RPP40: variants seen among roughly 807,000 people sequenced by gnomAD.
RPP40 encodes the protein ribonuclease P/MRP subunit p40, also known as ribonuclease P protein subunit p40.
A neutral mutation model predicts 42.5 loss-of-function variants in RPP40; 30 were observed. The ratio of observed to expected loss-of-function variants is 0.71; its 90% CI spans 0.53 to 0.96. The LOEUF is 0.96. RPP40 is among the 40% of genes least tolerant of loss of function. The pLI is 0.00. For missense variants in RPP40, 426 were observed against 433.5 expected (o/e 0.98, Z 0.15); for synonymous variants, 173 against 164.0 (o/e 1.05, Z -0.42).
rs768758209 is a variant in RPP40, at chr6:4,995,965, T to C, written c.879A>G (p.Leu293=). The C allele has an allele frequency of 6.8e-6, 11 of 1,614,066 alleles. No homozygotes were observed. The East Asian group carries it at 1.6e-4, about 23-fold the overall frequency. ...GFILPEKICL[L]LEHLCHYFDE... ...AGAGTTCTCACCAGAGATGTTCCAATAGGAGACAGATCTTCTCTGGAAGTA... is the reference window on the plus strand; with the variant it reads ...AGAGTTCTCACCAGAGATGTTCCAACAGGAGACAGATCTTCTCTGGAAGTA... Residue 293 remains leucine, a synonymous_variant, in exon 7 of 8, where the codon CTA becomes CTG. Transcript: ENST00000380051.
rs1581328763 is a variant in RPP40, at chr6:5,003,957, C to T, written c.46G>A (p.Val16Ile). The change falls in exon 1 of 8, where the codon GTT (valine) becomes ATT (isoleucine). Residue 16 changes from valine (V) to isoleucine (I), a missense_variant. Coordinates refer to ENST00000380051, the MANE Select transcript of RPP40 (RefSeq NM_006638.4). Reference sequence around the variant, plus strand: ...TTGCCGAAGTTGGATTTCTCGCAAACCAGTAAGTGCCGCGGCGCCTCCCGA... The same window carrying T: ...TTGCCGAAGTTGGATTTCTCGCAAATCAGTAAGTGCCGCGGCGCCTCCCGA... ...RLREAPRHLL[V>I]CEKSNFGNHK... 6.2e-7 allele frequency: 1 copy of T among 1,613,398 alleles called. No homozygotes were observed. The highest frequency in any genetic ancestry group is 8.5e-7 in the Non-Finnish European group (1 of 1,179,698).
chr6:4,989,988 C>G (rs1415226362), downstream of RPP40, among the ~76,000 whole-genome samples: 1 of 152,186 alleles, frequency 6.6e-6, no homozygotes, highest in Non-Finnish European at 1.5e-5. Flanking sequence ...GCGGTAAAAG[C>G]AGGCATCCCT....
chr6:5,000,880 TTGCAGAAGACCAAGCA>T (rs1491421841), intron 2 of RPP40, among the ~76,000 whole-genome samples: 3 of 118,678 alleles, frequency 2.5e-5, no homozygotes, highest in Non-Finnish European at 3.6e-5. Flanking sequence ...AAGACAAAGC[TTGCAGAAGACCAAGCA>T]TGCAGAAGAC....
At chr6:4,994,113 C>T (rs1759301442), downstream of RPP40, among the ~76,000 whole-genome samples, 1 of 151,646 alleles carries the variant, frequency 6.6e-6, no homozygotes, top group Non-Finnish European at 1.5e-5. Context: ...TTTTGCAGCT[C>T]TTGTTTTTTA....
chr6:4,992,161 C>G (rs1581315036), downstream of RPP40, among the ~76,000 whole-genome samples: 1 of 151,182 alleles, frequency 6.6e-6, no homozygotes, highest in African/African-American at 2.4e-5. Context: ...TAAGGTGAAA[C>G]CCTGTTTCTA....
chr6:4,991,713 T>A (rs1279996406), downstream of RPP40, among the ~76,000 whole-genome samples: 21 of 152,220 alleles, frequency 1.4e-4, no homozygotes. Context: ...GTGTGTGTTG[T>A]CAGTATGAAA....
the RPP40 span, among the ~76,000 whole-genome samples, chr6:4,989,397 C>T: frequency 6.6e-6 from 1 of 152,054 alleles, no homozygotes. Flanking sequence ...TGTTTGGCTA[C>T]TCTAGGTCCT....
chr6:4,998,598 A>G (rs1299558294), intron 5 of RPP40, 118 bp downstream of exon 5: 2 of 638,810 alleles, frequency 3.1e-6, no homozygotes, highest in Non-Finnish European at 5.0e-6. Flanking sequence ...ATTTTTATAT[A>G]TACGTATAGA....
At chr6:4,993,587 C>T (rs1759291040), downstream of RPP40, among the ~76,000 whole-genome samples, 1 of 152,092 alleles carries the variant, frequency 6.6e-6, no homozygotes. Flanking sequence ...TCTCCGAGTT[C>T]CTCCAAAGAC....
Position 5,003,862 on chromosome 6 carries a change from G to A in RPP40, c.123+18C>T, listed in dbSNP as rs753681959. On this transcript the variant is annotated intron_variant, in intron 1 of 7. Coordinates refer to ENST00000380051, the MANE Select transcript of RPP40 (RefSeq NM_006638.4). ...GGGACTGAGCACGGCCCGAAAAGCC[G>A]AGGACAGCCGGACTCACCCTGTAGT... is the stretch of plus-strand genomic sequence containing the variant. 99 of 1,598,842 alleles carry A rather than the reference G, an allele frequency of 6.2e-5. No homozygotes were observed. Among genetic ancestry groups the A allele is most frequent in the Non-Finnish European group, 8.4e-5 (98 of 1,168,490 alleles).
At chr6:4,999,202 T>C (rs946546020) in intron 4 of RPP40, among the ~76,000 whole-genome samples, 1 of 152,126 alleles carries the variant, frequency 6.6e-6, no homozygotes, top group African/African-American at 2.4e-5. Context: ...GGTGAATTTC[T>C]ACTAGTAATC....
chr6:4,992,826 A>C (rs1330465641), downstream of RPP40, among the ~76,000 whole-genome samples: 1 of 152,176 alleles, frequency 6.6e-6, no homozygotes, highest in Non-Finnish European at 1.5e-5. Context: ...TTTTTAAAAT[A>C]ATTCCATTTT....
At chr6:4,989,692 G>T in the RPP40 span, among the ~76,000 whole-genome samples, 1 of 152,072 alleles carries the variant, frequency 6.6e-6, no homozygotes, top group South Asian at 2.1e-4. Flanking sequence ...TATTGCAAAG[G>T]TAGTATTGTT....
chr6:4,994,800 T>C lies in RPP40; in HGVS notation c.*278A>G, dbSNP rs1344555112. On this transcript the variant is annotated 3_prime_UTR_variant, in exon 8 of 8. Coordinates refer to ENST00000380051, the MANE Select transcript of RPP40 (RefSeq NM_006638.4). ...ACCAATGGAGTGAGATGGGGACCAA[T>C]ATCCCCGGTCCCTGGACATCCTGGC... The C allele has an allele frequency of 7.9e-6, 3 of 378,696 alleles. No individual in the cohort carries two copies. Among genetic ancestry groups the C allele is most frequent in the African/African-American group, 4.0e-5 (2 of 49,560 alleles). The allele number at this position is 378,696 out of a possible 1,614,324, so 23.5% of individuals were successfully genotyped here. A position where few individuals can be genotyped will look rare whatever the true frequency, so the allele number is the denominator to read the frequency against.
chr6:4,994,243 T>C (rs1581316201), downstream of RPP40, among the ~76,000 whole-genome samples: 1 of 107,984 alleles, frequency 9.3e-6, no homozygotes, highest in East Asian at 3.1e-4. Flanking sequence ...CCGGGGCCTG[T>C]TGTGGGGTGG....
At chr6:4,995,824 G>A in intron 7 of RPP40, 127 bp downstream of exon 7, 2 of 801,470 alleles carry the variant, frequency 2.5e-6, no homozygotes, top group Non-Finnish European at 3.9e-6. Flanking sequence ...TTTGCAATAG[G>A]CGATTTGAGT....
rs936199319 is a variant in RPP40 at position 5,002,037 on chromosome 6, G to C, written c.268+64C>G. On this transcript the variant is annotated intron_variant, in intron 2 of 7. Transcript: ENST00000380051. ...GAAACAAAACAACAGCCCTAGCATC[G>C]TGATGTGGTCTCCCTACCCTTCCTC... The C allele has an allele frequency of 3.5e-6, 5 of 1,432,462 alleles. No homozygotes were observed. The Admixed American group carries it at 7.7e-5, about 22-fold the overall frequency. 88.7% of individuals were successfully genotyped at this position (1,432,462 alleles called of 1,614,324 possible).
chr6:5,001,767 A>G (rs1408524973), intron 2 of RPP40: 1 of 201,946 alleles, frequency 5.0e-6, no homozygotes, highest in Non-Finnish European at 9.9e-6. Context: ...TGCTGACAGC[A>G]TAGTGTCTTT....
downstream of RPP40, among the ~76,000 whole-genome samples, chr6:4,991,958 C>T (rs1301109105): frequency 3.3e-5 from 5 of 152,140 alleles, no homozygotes; most frequent in Admixed American, 6.5e-5. Context: ...GCTTCTCTTT[C>T]ACCTTCCGCC....
Sources: gnomAD v4.1 joint callset for allele counts (sites outside exome capture counted in the v4.1 genomes callset) on GRCh38, gnomAD v4.1.1 for gene constraint, MANE v1.5 for transcripts, NCBI Gene and HGNC (gene_info 2026-07-23, HGNC 2026-07-21) for gene names.